CAPZB: variants seen among roughly 807,000 people sequenced by gnomAD.
CAPZB encodes the protein F-actin-capping protein subunit beta.
Under a neutral mutation model 38.1 loss-of-function variants are expected in CAPZB, and 2 were observed. That is an observed-to-expected ratio of 0.05 (90% CI 0.02 to 0.17). The LOEUF is 0.17. Ranked by LOEUF, CAPZB falls within the 10% of genes least tolerant of loss-of-function variation. The pLI, the probability that CAPZB is intolerant of heterozygous loss-of-function variation, is 1.00. For missense variants in CAPZB, 161 were observed against 334.2 expected (o/e 0.48, Z 4.04); for synonymous variants, 107 against 127.4 (o/e 0.84, Z 1.08).
intron 1 of CAPZB, among the ~76,000 whole-genome samples, chr1:19,430,448 A>C (rs2094438275): frequency 6.6e-6 from 1 of 152,216 alleles, no homozygotes; most frequent in South Asian, 2.1e-4. Flanking sequence ...CTGAACACAG[A>C]ACAGTTCCTT....
Position 19,452,431 on chromosome 1 carries a change from G to C in CAPZB, c.4-32681C>G, listed in dbSNP as rs866471290. Among the ~76,000 whole-genome samples, 7 of 152,286 alleles carry C rather than the reference G, an allele frequency of 4.6e-5. No homozygotes were observed. In the Middle Eastern group the frequency reaches 0.01, roughly 222 times the overall value. The stretch of plus-strand genomic sequence containing the variant: ...GCACAGTGGTCGGCTCATAGCCAAT[G>C]AATAAACATTCCCGGAACAATTCTA... On this transcript the variant is annotated intron_variant, in intron 1 of 8. Transcript: ENST00000264202.
intron 2 of CAPZB, among the ~76,000 whole-genome samples, chr1:19,414,587 TA>T (rs1217616612): frequency 6.6e-6 from 1 of 152,232 alleles, no homozygotes; most frequent in Non-Finnish European, 1.5e-5. Context: ...CTTGCCTAGT[TA>T]AACAGATTCA....
chr1:19,450,263 T>C (rs1446629109), intron 1 of CAPZB, among the ~76,000 whole-genome samples: 1 of 151,878 alleles, frequency 6.6e-6, no homozygotes, highest in Non-Finnish European at 1.5e-5. Context: ...TCTGAAATGC[T>C]GGGGACCTGA....
At chr1:19,367,174 G>A (rs1268093564) in intron 4 of CAPZB, among the ~76,000 whole-genome samples, 3 of 152,258 alleles carry the variant, frequency 2.0e-5, no homozygotes, top group African/African-American at 2.4e-5. Context: ...GACGGCACAC[G>A]AGGGGCTGGA....
At chr1:19,447,736 C>T (rs957337976) in intron 1 of CAPZB, among the ~76,000 whole-genome samples, 1 of 152,186 alleles carries the variant, frequency 6.6e-6, no homozygotes, top group Admixed American at 6.5e-5. Context: ...GAGGAGGGCA[C>T]GGCTCACTGA....
intron 2 of CAPZB, among the ~76,000 whole-genome samples, chr1:19,417,201 GAC>G (rs1366854213): frequency 6.6e-6 from 1 of 152,162 alleles, no homozygotes; most frequent in African/African-American, 2.4e-5. Context: ...CCGGAGAAAA[GAC>G]ACAGCTGTAG....
intron 1 of CAPZB, among the ~76,000 whole-genome samples, chr1:19,463,766 A>C (rs146229531): frequency 6.6e-6 from 1 of 152,228 alleles, no homozygotes; most frequent in Non-Finnish European, 1.5e-5. Context: ...GCATCTTCTC[A>C]TCTGGAGGTG....
intron 2 of CAPZB, among the ~76,000 whole-genome samples, chr1:19,405,118 G>A (rs928513561): frequency 1.1e-4 from 16 of 152,288 alleles, no homozygotes; most frequent in South Asian, 1.0e-3. Flanking sequence ...AGAGGCATCC[G>A]TCCCTTCTCA....
chr1:19,360,709 G>A (rs976891755), intron 4 of CAPZB, among the ~76,000 whole-genome samples: 1 of 152,160 alleles, frequency 6.6e-6, no homozygotes, highest in African/African-American at 2.4e-5. Context: ...GTTTTATAGG[G>A]TGGAACTGGC....
At chr1:19,408,254 A>G (rs1050097111) in intron 2 of CAPZB, among the ~76,000 whole-genome samples, 2 of 152,260 alleles carry the variant, frequency 1.3e-5, no homozygotes, top group African/African-American at 4.8e-5. Flanking sequence ...AATCGGCCCT[A>G]GGAAGCCAAC....
chr1:19,450,167 A>C (rs1055191996), intron 1 of CAPZB, among the ~76,000 whole-genome samples: 17 of 117,194 alleles, frequency 1.5e-4, no homozygotes, highest in Admixed American at 7.6e-4. Context: ...AAAAAAAAAA[A>C]AAGAAAAGAA....
Position 19,339,299 on chromosome 1 carries a change from A to C in CAPZB, c.*231T>G. 2 of 565,986 alleles carry C rather than the reference A, an allele frequency of 3.5e-6. No individual in the cohort carries two copies. The highest frequency in any genetic ancestry group is 6.3e-6 in the Non-Finnish European group (2 of 316,794). 35.1% of individuals were successfully genotyped at this position (565,986 alleles called of 1,614,324 possible). On this transcript the variant is annotated 3_prime_UTR_variant, in exon 9 of 9. Coordinates refer to ENST00000264202, the MANE Select transcript of CAPZB (RefSeq NM_004930.5). ...GGTGAACAAAAACCACACGGTCTCT[A>C]TGGAAATGTGGAGAGAACTGAGAGC...
chr1:19,401,826 TG>T (rs2094304677), intron 2 of CAPZB, among the ~76,000 whole-genome samples: 1 of 152,182 alleles, frequency 6.6e-6, no homozygotes, highest in Admixed American at 6.5e-5. Context: ...AAGAAAGTGA[TG>T]TTGGCCCCCT....
chr1:19,468,994 C>T (rs576605500), intron 1 of CAPZB, among the ~76,000 whole-genome samples: 1 of 152,310 alleles, frequency 6.6e-6, no homozygotes, highest in African/African-American at 2.4e-5. Context: ...GTCCGTCTGT[C>T]TGACTGGCTC....
chr1:19,411,367 C>T (rs888029740), intron 2 of CAPZB, among the ~76,000 whole-genome samples: 10 of 152,288 alleles, frequency 6.6e-5, no homozygotes, highest in Middle Eastern at 3.4e-3. Flanking sequence ...AAGCTTACTG[C>T]GTGGCTATCT....
chr1:19,480,968 T>C (rs2094626402), intron 1 of CAPZB, among the ~76,000 whole-genome samples: 2 of 152,210 alleles, frequency 1.3e-5, no homozygotes, highest in African/African-American at 2.4e-5. Context: ...ATGGTGATAA[T>C]AACAATAGTT....
Position 19,416,860 on chromosome 1 carries a change from CAAAAAAA to C in CAPZB, c.93+2794_93+2800del, listed in dbSNP as rs59789230. Among the ~76,000 whole-genome samples, 117 of 69,446 alleles carry C rather than the reference CAAAAAAA, an allele frequency of 1.7e-3. 1 individual carries two copies. The East Asian group carries it at 0.018, about 11-fold the overall frequency. 45.6% of individuals were successfully genotyped at this position (69,446 alleles called of 152,430 possible). ...TGGGTGACAGAGCAAGACCCTGTCTCAAAAAAAAAAAAAAAAAAAAAAAAAAAAGTAT... is the reference window on the plus strand; with the variant it reads ...TGGGTGACAGAGCAAGACCCTGTCTCAAAAAAAAAAAAAAAAAAAAAGTAT... On this transcript the variant is annotated intron_variant, in intron 2 of 8. Transcript: ENST00000264202.
chr1:19,410,743 T>C (rs979960399), intron 2 of CAPZB, among the ~76,000 whole-genome samples: 7 of 152,228 alleles, frequency 4.6e-5, no homozygotes, highest in African/African-American at 1.7e-4. Flanking sequence ...ATTTTCACTT[T>C]TAAAAGATTA....
rs1245249886 is a variant in CAPZB, at chr1:19,484,411, G to C, written c.3+1025C>G. 9.2e-6 allele frequency: 14 copies of C among 1,524,050 alleles called. No homozygotes were observed. The Admixed American group carries it at 1.2e-4, about 13-fold the overall frequency. The allele number at this position is 1,524,050 out of a possible 1,614,324, so 94.4% of individuals were successfully genotyped here. On this transcript the variant is annotated intron_variant, in intron 1 of 8. Coordinates refer to ENST00000264202, the MANE Select transcript of CAPZB (RefSeq NM_004930.5). The stretch of plus-strand genomic sequence containing the variant: ...CCCCTCGGCTCCCACTCAGGCCCGG[G>C]CGCCGTGGACCCCGGCCTGCCCTGC...
Sources: gnomAD v4.1 joint callset for allele counts (sites outside exome capture counted in the v4.1 genomes callset) on GRCh38, gnomAD v4.1.1 for gene constraint, MANE v1.5 for transcripts, NCBI Gene and HGNC (gene_info 2026-07-23, HGNC 2026-07-21) for gene names.